Variants in NBAS observed in about 807,000 individuals in gnomAD.
The protein encoded by NBAS is NBAS subunit of NRZ tethering complex.
In NBAS, 219 loss-of-function variants were observed where a neutral mutation model predicts 302.5. That is an observed-to-expected ratio of 0.72 (90% CI 0.65 to 0.81). NBAS has a LOEUF of 0.81. NBAS is among the 30% of genes least tolerant of loss of function. NBAS has a pLI of 0.00. For synonymous variants in NBAS, 1,118 were observed against 1,021.6 expected (o/e 1.09, Z -1.80); for missense variants, 2,932 against 2,841.6 (o/e 1.03, Z -0.72).
intron 9 of NBAS, among the ~76,000 whole-genome samples, chr2:15,518,140 A>C (rs1043835955): frequency 2.6e-5 from 4 of 152,070 alleles, no homozygotes; most frequent in African/African-American, 7.2e-5. Flanking sequence ...AAAAAAAAAA[A>C]AAAAAACAGT....
intron 14 of NBAS, among the ~76,000 whole-genome samples, chr2:15,474,901 A>T (rs974401799): frequency 6.6e-6 from 1 of 152,148 alleles, no homozygotes; most frequent in Non-Finnish European, 1.5e-5. Context: ...ACGGTCTTGT[A>T]CATATAATTA....
chr2:14,979,896 A>C, the NBAS span, among the ~76,000 whole-genome samples: 1 of 152,136 alleles, frequency 6.6e-6, no homozygotes, highest in African/African-American at 2.4e-5. Context: ...AAATGTGGGC[A>C]CCCTTGACTG....
At chr2:14,837,445 CTG>C in the NBAS span, among the ~76,000 whole-genome samples, 1 of 151,840 alleles carries the variant, frequency 6.6e-6, no homozygotes, top group South Asian at 2.1e-4. Flanking sequence ...ATTTATGAAA[CTG>C]TGTAGAGAAT....
the NBAS span, among the ~76,000 whole-genome samples, chr2:14,997,101 G>T: frequency 5.9e-5 from 9 of 152,216 alleles, no homozygotes; most frequent in East Asian, 1.7e-3. Flanking sequence ...GGAGCTCCAT[G>T]ATGAGAACTT....
Position 15,323,772 on chromosome 2 carries a change from T to C in NBAS, c.4582+3978A>G, listed in dbSNP as rs536789504. On this transcript the variant is annotated intron_variant, in intron 38 of 51. Coordinates refer to ENST00000281513, the MANE Select transcript of NBAS (RefSeq NM_015909.4). ...GTCACTTGTGCACAGGAGGTTGAGA[T>C]TGCAGTGAGCCACAATCACGCCACT... 2.6e-5 allele frequency among the ~76,000 whole-genome samples: 4 copies of C among 151,512 alleles called. No individual in the cohort carries two copies. In the South Asian group the frequency reaches 6.3e-4, roughly 24 times the overall value.
chr2:14,961,549 T>C, the NBAS span, among the ~76,000 whole-genome samples: 2 of 152,210 alleles, frequency 1.3e-5, no homozygotes, highest in Non-Finnish European at 1.5e-5. Context: ...GCCAATGCCA[T>C]GCTTCTTATG....
intron 21 of NBAS, among the ~76,000 whole-genome samples, chr2:15,430,442 GACA>G (rs1677705278): frequency 1.3e-5 from 2 of 152,156 alleles, no homozygotes; most frequent in Admixed American, 1.3e-4. Context: ...AATGATCAGT[GACA>G]ACAATAATCT....
chr2:15,212,972 T>C (rs1398310691), intron 48 of NBAS, among the ~76,000 whole-genome samples: 1 of 152,228 alleles, frequency 6.6e-6, no homozygotes, highest in Non-Finnish European at 1.5e-5. Flanking sequence ...TACTTCTTTG[T>C]TGATAGATCT....
At chr2:15,481,494 T>G (rs1396106552) in intron 12 of NBAS, among the ~76,000 whole-genome samples, 2 of 152,070 alleles carry the variant, frequency 1.3e-5, no homozygotes, top group African/African-American at 4.8e-5. Context: ...AAACTCCCCA[T>G]GACCCACAAG....
At chr2:14,785,868 A>G in the NBAS span, among the ~76,000 whole-genome samples, 916 of 152,056 alleles carry the variant, frequency 6.0e-3, 9 homozygotes, top group African/African-American at 0.021. Flanking sequence ...CTCTTTTTCT[A>G]TTGATTGGAA....
At chr2:15,488,218 C>T (rs1680714885) in intron 12 of NBAS, among the ~76,000 whole-genome samples, 1 of 152,164 alleles carries the variant, frequency 6.6e-6, no homozygotes, top group South Asian at 2.1e-4. Context: ...GTAAGTGAAT[C>T]AGAGTAAAAG....
the NBAS span, among the ~76,000 whole-genome samples, chr2:15,037,548 G>A: frequency 5.9e-5 from 9 of 152,162 alleles, no homozygotes; most frequent in South Asian, 1.0e-3. Context: ...AAGGACCCAC[G>A]ATTAGAAAAA....
intron 44 of NBAS, among the ~76,000 whole-genome samples, chr2:15,267,196 C>G (rs914726560): frequency 2.6e-5 from 4 of 152,164 alleles, no homozygotes; most frequent in South Asian, 2.1e-4. Context: ...TGCATGCATG[C>G]ACACATATGC....
chr2:14,981,231 G>A, the NBAS span, among the ~76,000 whole-genome samples: 1 of 152,170 alleles, frequency 6.6e-6, no homozygotes, highest in Non-Finnish European at 1.5e-5. Flanking sequence ...CCAGGGATTA[G>A]TGTATGATCT....
chr2:15,045,862 T>C, the NBAS span, among the ~76,000 whole-genome samples: 1 of 152,192 alleles, frequency 6.6e-6, no homozygotes, highest in Non-Finnish European at 1.5e-5. Context: ...TCTACCTCCT[T>C]GCCAACACTT....
chr2:15,021,224 C>A, the NBAS span, among the ~76,000 whole-genome samples: 88 of 151,802 alleles, frequency 5.8e-4, no homozygotes, highest in African/African-American at 2.0e-3. Context: ...CAGACTGAGA[C>A]CCTGAGACCT....
chr2:15,352,063 T>C lies in NBAS; in HGVS notation c.4108A>G (p.Asn1370Asp). 1 of 1,610,136 alleles carries C rather than the reference T, an allele frequency of 6.2e-7. No homozygotes were observed. Among genetic ancestry groups the C allele is most frequent in the South Asian group, 1.1e-5 (1 of 90,992 alleles). ...CCTCCTTCATGATGGATCTGGAAAT[T>C]CACTCTTTGATAAAGAATCTAAAAC... ...LQTEILYQRV[N>D]FQIHHEGGEN... Residue 1370 changes from asparagine to aspartate, a missense_variant, in exon 35 of 52, where the codon AAT becomes GAT. Coordinates refer to ENST00000281513, the MANE Select transcript of NBAS (RefSeq NM_015909.4).
the NBAS span, among the ~76,000 whole-genome samples, chr2:15,027,540 C>A: frequency 6.6e-6 from 1 of 151,978 alleles, no homozygotes; most frequent in African/African-American, 2.4e-5. Context: ...ACTAGAATCT[C>A]TTGGGTTTTT....
the NBAS span, among the ~76,000 whole-genome samples, chr2:14,938,754 T>C: frequency 6.6e-6 from 1 of 152,232 alleles, no homozygotes. Context: ...TGTATCACGT[T>C]AACAAAGAAA....
Sources: allele counts gnomAD v4.1 joint callset (sites outside exome capture counted in the v4.1 genomes callset), GRCh38; gene constraint gnomAD v4.1.1; transcripts MANE v1.5; gene names NCBI Gene and HGNC (gene_info 2026-07-23, HGNC 2026-07-21).